ATG14: variants seen among roughly 807,000 people sequenced by gnomAD.
ATG14 encodes the protein beclin 1-associated autophagy-related key regulator.
In ATG14, 35 loss-of-function variants were observed where a neutral mutation model predicts 60.4. The observed-to-expected ratio is 0.58, with a 90% CI of 0.44 to 0.77. The LOEUF (loss-of-function observed/expected upper bound fraction) is 0.77. Among genes scored for constraint, ATG14 ranks in the 30% least tolerant of loss-of-function variants. ATG14 has a pLI of 0.00. For missense variants in ATG14, 647 were observed against 626.3 expected (o/e 1.03, Z -0.35); for synonymous variants, 234 against 228.8 (o/e 1.02, Z -0.21).
intron 9 of ATG14, 72 bp from the exon 10 acceptor site, chr14:55,369,997 G>C (rs907953400): frequency 4.1e-6 from 6 of 1,472,146 alleles, no homozygotes; most frequent in Non-Finnish European, 5.5e-6. Context: ...CCATCTTCCT[G>C]AAGGCCCTCA....
chr14:55,394,655 C>A (rs764472747), intron 3 of ATG14, among the ~76,000 whole-genome samples: 4 of 152,156 alleles, frequency 2.6e-5, no homozygotes, highest in Non-Finnish European at 4.4e-5. Flanking sequence ...TCACAGAGTG[C>A]ACGAAATTCT....
At chr14:55,410,586 G>T (rs768866271) in intron 1 of ATG14, among the ~76,000 whole-genome samples, 1 of 152,180 alleles carries the variant, frequency 6.6e-6, no homozygotes, top group Admixed American at 6.5e-5. Flanking sequence ...GAAATACTAA[G>T]AACTCAAAAC....
intron 7 of ATG14, among the ~76,000 whole-genome samples, chr14:55,379,271 C>A (rs1350003195): frequency 6.6e-6 from 1 of 152,098 alleles, no homozygotes; most frequent in African/African-American, 2.4e-5. Context: ...TGCAGTGGTT[C>A]ATGCCTGTAA....
chr14:55,383,267 A>C (rs1223036916), intron 5 of ATG14, among the ~76,000 whole-genome samples: 18 of 152,168 alleles, frequency 1.2e-4, no homozygotes, highest in Admixed American at 1.2e-3. Context: ...AATAAACAAC[A>C]GGGCTAGGTG....
At chr14:55,399,944 T>C (rs1054967774) in intron 1 of ATG14, among the ~76,000 whole-genome samples, 17 of 152,206 alleles carry the variant, frequency 1.1e-4, no homozygotes, top group African/African-American at 3.1e-4. Flanking sequence ...CTTACAAATA[T>C]ACAGATGGCA....
chr14:55,401,912 A>G (rs1566585349), intron 1 of ATG14, among the ~76,000 whole-genome samples: 2 of 152,216 alleles, frequency 1.3e-5, no homozygotes, highest in African/African-American at 4.8e-5. Context: ...AACTGCACCA[A>G]GCATTTCAAC....
Position 55,411,749 on chromosome 14 carries a change from T to A in ATG14, c.74A>T (p.Asp25Val), listed in dbSNP as rs201105489. Residue 25 changes from aspartate to valine, a missense_variant, in exon 1 of 10, where the codon GAC (aspartate) becomes GTC (valine). Transcript: ENST00000247178. ...PGCGPRPLAR[D>V]LVDSVDDAEG... ...CGCATCGTCCACGGAGTCCACCAGG[T>A]CCCGGGCGAGCGGCCGGGGCCCGCA... The A allele has an allele frequency of 9.1e-4, 1,466 of 1,609,404 alleles. 1 individual carries two copies. The highest frequency in any genetic ancestry group is 1.1e-3 in the Non-Finnish European group (1,333 of 1,178,352).
At chr14:55,371,199 TAGC>T (rs971772827) in intron 9 of ATG14, among the ~76,000 whole-genome samples, 5 of 152,258 alleles carry the variant, frequency 3.3e-5, no homozygotes, top group Non-Finnish European at 7.4e-5. Context: ...TCGAAATAAA[TAGC>T]AGGCAGAAAT....
At chr14:55,376,321 G>A (rs997089357) in intron 9 of ATG14, among the ~76,000 whole-genome samples, 4 of 152,206 alleles carry the variant, frequency 2.6e-5, no homozygotes, top group Non-Finnish European at 4.4e-5. Context: ...CCTAATTTGA[G>A]CCCTTTACAG....
chr14:55,393,849 G>A (rs77449002), intron 3 of ATG14, among the ~76,000 whole-genome samples: 5,079 of 151,384 alleles, frequency 0.034, 235 homozygotes, highest in East Asian at 0.17. Flanking sequence ...CACACCCAGC[G>A]CAGATTTTAT....
chr14:55,375,463 C>A (rs1041010762), intron 9 of ATG14, among the ~76,000 whole-genome samples: 1 of 149,926 alleles, frequency 6.7e-6, no homozygotes, highest in African/African-American at 2.5e-5. Flanking sequence ...GCTGGGACTA[C>A]AGGCATGCAT....
intron 1 of ATG14, among the ~76,000 whole-genome samples, chr14:55,402,837 T>G (rs66486619): frequency 0.49 from 62,151 of 126,430 alleles, 15,923 homozygotes; most frequent in African/African-American, 0.66. Context: ...GAGGCAGGAA[T>G]ATTATTTGAA....
intron 5 of ATG14, among the ~76,000 whole-genome samples, chr14:55,382,493 A>G (rs145715099): frequency 6.6e-6 from 1 of 151,964 alleles, no homozygotes; most frequent in African/African-American, 2.4e-5. Flanking sequence ...TTAACTTAAA[A>G]AATTTTTTTT....
chr14:55,376,311 C>A (rs1322526305), intron 9 of ATG14, among the ~76,000 whole-genome samples: 1 of 152,166 alleles, frequency 6.6e-6, no homozygotes, highest in Non-Finnish European at 1.5e-5. Flanking sequence ...GGATAAATTT[C>A]CTAATTTGAG....
At chr14:55,376,063 GAAAT>G (rs953385926) in intron 9 of ATG14, among the ~76,000 whole-genome samples, 19 of 152,304 alleles carry the variant, frequency 1.2e-4, no homozygotes, top group African/African-American at 4.6e-4. Flanking sequence ...TTAATGTGAT[GAAAT>G]AATAAATACT....
chr14:55,395,956 C>T lies in ATG14; in HGVS notation c.311G>A (p.Trp104Ter). The T allele has an allele frequency of 1.3e-6, 2 of 1,595,130 alleles. No homozygotes were observed. Among genetic ancestry groups the T allele is most frequent in the Non-Finnish European group, 1.7e-6 (2 of 1,172,442 alleles). ...KEVLKAMEGKWITDQLRWKIM... is the reference protein window; with the variant it reads ...KEVLKAMEGK ...ACAACTTACCAACTGATCTGTTATC[C>T]ATTTTCCTTCCATAGCTTTTAACAC... The change falls in exon 3 of 10, where the codon TGG becomes TAG. Residue 104 changes from tryptophan to a stop codon, truncating the protein, a stop_gained. Coordinates refer to ENST00000247178, the MANE Select transcript of ATG14 (RefSeq NM_014924.5). LOFTEE classifies it high-confidence loss of function.
chr14:55,391,726 C>T (rs572626478), intron 3 of ATG14, among the ~76,000 whole-genome samples: 28 of 152,210 alleles, frequency 1.8e-4, no homozygotes, highest in Admixed American at 3.3e-4. Context: ...GACTGGACAG[C>T]GCAGATACAG....
intron 4 of ATG14, 116 bp from the exon 5 acceptor site, chr14:55,386,212 C>A (rs1885123698): frequency 1.2e-6 from 1 of 846,428 alleles, no homozygotes. Flanking sequence ...AAAGCAAAAC[C>A]TGAATAATAT....
intron 3 of ATG14, among the ~76,000 whole-genome samples, chr14:55,394,333 C>T (rs925955460): frequency 1.3e-5 from 2 of 152,120 alleles, no homozygotes; most frequent in Non-Finnish European, 2.9e-5. Flanking sequence ...TGAGATTTCA[C>T]TGGTTGTGTT....
Sources: allele counts gnomAD v4.1 joint callset (sites outside exome capture counted in the v4.1 genomes callset), GRCh38; gene constraint gnomAD v4.1.1; transcripts MANE v1.5; gene names NCBI Gene and HGNC (gene_info 2026-07-23, HGNC 2026-07-21).